COL5A1: variants seen among roughly 807,000 people sequenced by gnomAD.
The protein encoded by COL5A1 is collagen type V alpha 1 chain.
In COL5A1, 16 loss-of-function variants were observed where a neutral mutation model predicts 263.7. The ratio of observed to expected loss-of-function variants is 0.06; its 90% CI spans 0.04 to 0.09. COL5A1 has a LOEUF of 0.09. Ranked by LOEUF, COL5A1 falls within the 10% of genes least tolerant of loss-of-function variation. COL5A1 has a pLI of 1.00. For missense variants in COL5A1, 2,036 were observed against 2,540.5 expected, an observed-to-expected ratio of 0.80 and a Z score of 4.27; for synonymous variants, 1,012 against 1,004.5, an observed-to-expected ratio of 1.01 and a Z score of -0.14.
At chr9:134,693,669 G>A (rs1833361695) in intron 2 of COL5A1, among the ~76,000 whole-genome samples, 1 of 152,160 alleles carries the variant, frequency 6.6e-6, no homozygotes, top group Non-Finnish European at 1.5e-5. Flanking sequence ...TTGAATTGAC[G>A]CCATACCCCG....
rs1031806184 is a variant in COL5A1 at position 134,765,006 on chromosome 9, G to A, written c.2035-675G>A. 3.3e-5 allele frequency among the ~76,000 whole-genome samples: 5 copies of A among 152,138 alleles called. No homozygotes were observed. The highest frequency in any genetic ancestry group is 1.2e-4 in the African/African-American group (5 of 41,426). The stretch of plus-strand genomic sequence containing the variant: ...GAAGCCTCTGTAATTCTCCGTGGGT[G>A]GGGGGTGTGAGTGCCCTGTGGCAGG... On this transcript the variant is annotated intron_variant, in intron 20 of 65. Transcript: ENST00000371817. This position sits in a 1 kb window ranked among gnomAD's most constrained non-coding sequence, Gnocchi z 5.1.
intron 31 of COL5A1, among the ~76,000 whole-genome samples, chr9:134,787,282 T>G (rs1335406402): frequency 6.6e-6 from 1 of 152,210 alleles, no homozygotes; most frequent in African/African-American, 2.4e-5. Context: ...GAAGTAGCCA[T>G]CAGCACAGTG....
chr9:134,764,064 G>A (rs1836565189), intron 20 of COL5A1, among the ~76,000 whole-genome samples: 1 of 141,336 alleles, frequency 7.1e-6, no homozygotes. Flanking sequence ...CATGGGCATT[G>A]TGGAGGGTCT....
intron 4 of COL5A1, among the ~76,000 whole-genome samples, chr9:134,704,778 C>T (rs1833785186): frequency 1.4e-5 from 2 of 138,508 alleles, no homozygotes; most frequent in East Asian, 2.1e-4. Flanking sequence ...CCTTCAGCTG[C>T]CCCAAGCATC....
chr9:134,695,727 A>G (rs910363277), intron 2 of COL5A1, among the ~76,000 whole-genome samples: 14 of 152,292 alleles, frequency 9.2e-5, no homozygotes, highest in Admixed American at 2.0e-4. Context: ...TCCTCACTCT[A>G]TCTTCGACCC....
Position 134,829,855 on chromosome 9 carries a change from C to G in COL5A1, c.5068-121C>G, listed in dbSNP as rs531542348. On this transcript the variant is annotated intron_variant, in intron 63 of 65. Coordinates refer to ENST00000371817, the MANE Select transcript of COL5A1 (RefSeq NM_000093.5). ...GCGCTCGGTGGGTCCTCCCTGCAGC[C>G]CCCCCGGCGTGAGGATGCAGGCGCG... 3.5e-5 allele frequency: 36 copies of G among 1,037,816 alleles called. No homozygotes were observed. In the South Asian group the frequency reaches 3.7e-4, roughly 11 times the overall value. The allele number at this position is 1,037,816 out of a possible 1,614,324, so 64.3% of individuals were successfully genotyped here. A position where few individuals can be genotyped will look rare whatever the true frequency, so the allele number is the denominator to read the frequency against.
intron 1 of COL5A1, among the ~76,000 whole-genome samples, chr9:134,648,489 C>G (rs1831550903): frequency 6.6e-6 from 1 of 152,044 alleles, no homozygotes; most frequent in Admixed American, 6.5e-5. Flanking sequence ...GATTCCTATC[C>G]TGGCTCCAGT....
At chr9:134,816,908 A>C in intron 52 of COL5A1, 118 bp from the exon 53 acceptor site, 1 of 916,652 alleles carries the variant, frequency 1.1e-6, no homozygotes, top group Non-Finnish European at 1.8e-6. Flanking sequence ...CCAAAAGAAG[A>C]GAGAGGCGGC....
chr9:134,779,461 T>C (rs1277505780), intron 27 of COL5A1, among the ~76,000 whole-genome samples: 2 of 152,200 alleles, frequency 1.3e-5, no homozygotes, highest in Non-Finnish European at 2.9e-5. Flanking sequence ...TCATTAGTAA[T>C]ATCACAGTAT....
At chr9:134,649,424 A>G (rs1426426023) in intron 1 of COL5A1, 1 of 457,810 alleles carries the variant, frequency 2.2e-6, no homozygotes, top group South Asian at 1.6e-5. Context: ...CTCTGGGGAC[A>G]TGGGCTCAGC....
At chr9:134,771,089 G>A (rs746158941) in intron 25 of COL5A1, among the ~76,000 whole-genome samples, 3 of 152,242 alleles carry the variant, frequency 2.0e-5, no homozygotes, top group African/African-American at 7.2e-5. Flanking sequence ...CCGCAGCGGC[G>A]CTGTGTGCAG....
At chr9:134,780,300 GTC>G (rs1013226798) in intron 28 of COL5A1, among the ~76,000 whole-genome samples, 154 bp downstream of exon 28, 3 of 152,310 alleles carry the variant, frequency 2.0e-5, no homozygotes, top group East Asian at 1.9e-4. Flanking sequence ...TGTGGAAAGT[GTC>G]TCTGTTTGCA....
At position 134,750,584 on chromosome 9, in the gene COL5A1, C is replaced by G; in HGVS notation, c.1537C>G (p.Pro513Ala). Residue 513 changes from proline to alanine, a missense_variant, in exon 12 of 66, where the codon CCC becomes GCC. Coordinates refer to ENST00000371817, the MANE Select transcript of COL5A1 (RefSeq NM_000093.5). ...RPGLPGADGL[P>A]GPPGTMLMLP... ...AGGCCTTCCTGGGGCCGATGGCCTG[C>G]CCGGTCCTCCAGGAACCATGCTCAT... The G allele has an allele frequency of 6.2e-7, 1 of 1,613,562 alleles. No homozygotes were observed.
At chr9:134,777,753 A>G (rs1368287068) in intron 27 of COL5A1, among the ~76,000 whole-genome samples, 1 of 152,066 alleles carries the variant, frequency 6.6e-6, no homozygotes, top group Non-Finnish European at 1.5e-5. Flanking sequence ...GAGGGAGGAG[A>G]GCTGGTGCCA....
At position 134,811,504 on chromosome 9, in the gene COL5A1, G is replaced by C. The variant is rs867211079; in HGVS notation, c.3595G>C (p.Glu1199Gln). ...GQPGPSGADG[E>Q]PGPRGQQGLF... ...TATTTCCCTGCAGGGAGCTGACGGC[G>C]AGCCGGGGCCTCGGGGCCAGCAGGG... is the stretch of plus-strand genomic sequence containing the variant. Residue 1199 changes from glutamate to glutamine, a missense_variant, in exon 46 of 66, where the codon GAG becomes CAG. Physicochemically the swap from Glu to Gln is conservative, Grantham distance 29. Around this residue, in one of 3 missense-constraint regions of COL5A1, gnomAD observed 1,078 missense variants for 1,521.4 expected, o/e 0.71. Transcript: ENST00000371817. The C allele has an allele frequency of 2.5e-6, 4 of 1,612,642 alleles. No individual in the cohort carries two copies. Among genetic ancestry groups the C allele is most frequent in the African/African-American group, 2.7e-5 (2 of 75,010 alleles).
At chr9:134,763,554 T>G in intron 19 of COL5A1, 139 bp from the exon 20 acceptor site, 3 of 873,350 alleles carry the variant, frequency 3.4e-6, no homozygotes, top group Non-Finnish European at 3.9e-6. Flanking sequence ...TCCAGGCCTT[T>G]CCGGCTGGTA....
At chr9:134,750,310 C>T (rs555594804) in intron 11 of COL5A1, among the ~76,000 whole-genome samples, 1 of 152,290 alleles carries the variant, frequency 6.6e-6, no homozygotes, top group East Asian at 1.9e-4. Flanking sequence ...CTCAGACCTC[C>T]CTCCCTTCTT....
At chr9:134,649,549 C>A (rs927479950) in intron 1 of COL5A1, 10 of 470,018 alleles carry the variant, frequency 2.1e-5, no homozygotes, top group African/African-American at 2.0e-4. Flanking sequence ...CTTGCCAGGA[C>A]CTCGGCAATA....
chr9:134,735,076 G>A (rs1259757159), intron 9 of COL5A1, among the ~76,000 whole-genome samples: 1 of 152,030 alleles, frequency 6.6e-6, no homozygotes, highest in African/African-American at 2.4e-5. Flanking sequence ...AACCAGGTGT[G>A]GTGGTGGGCA....
Sources: allele counts gnomAD v4.1 joint callset (sites outside exome capture counted in the v4.1 genomes callset), GRCh38; gene constraint gnomAD v4.1.1; regional missense constraint gnomAD v4.1.1; non-coding constraint Gnocchi (gnomAD v3.1); transcripts MANE v1.5; gene names NCBI Gene and HGNC (gene_info 2026-07-23, HGNC 2026-07-21).